Variants in PRKCE observed in about 807,000 individuals in gnomAD.
PRKCE encodes the protein protein kinase C epsilon.
Under a neutral mutation model 85.4 loss-of-function variants are expected in PRKCE, and 16 were observed. The observed-to-expected ratio is 0.19, with a 90% CI of 0.13 to 0.28. The LOEUF (loss-of-function observed/expected upper bound fraction) is 0.28. Among genes scored for constraint, PRKCE ranks in the 10% least tolerant of loss-of-function variants. The pLI is 1.00. For synonymous variants in PRKCE, 388 were observed against 371.5 expected (o/e 1.04, Z -0.51); for missense variants, 573 against 975.2 (o/e 0.59, Z 5.49).
At chr2:45,848,175 C>G (rs1435062449) in intron 2 of PRKCE, among the ~76,000 whole-genome samples, 3 of 152,230 alleles carry the variant, frequency 2.0e-5, no homozygotes, top group African/African-American at 7.2e-5. Context: ...CTCTCAGATT[C>G]AAGCCCCACT....
At position 45,688,685 on chromosome 2, in the gene PRKCE, T is replaced by C. The variant is rs1677490978; in HGVS notation, c.348+36237T>C. ...AAGTATTTAGACTCTCCCTGACTTA[T>C]GTAACACTTCAGCTATTGCATTGGT... On this transcript the variant is annotated intron_variant, in intron 1 of 14. Coordinates refer to ENST00000306156, the MANE Select transcript of PRKCE (RefSeq NM_005400.3). 2.0e-5 allele frequency among the ~76,000 whole-genome samples: 3 copies of C among 152,236 alleles called. No homozygotes were observed. The South Asian group carries it at 6.2e-4, about 31-fold the overall frequency.
intron 2 of PRKCE, among the ~76,000 whole-genome samples, chr2:45,873,461 A>C (rs1410532144): frequency 6.6e-6 from 1 of 151,806 alleles, no homozygotes. Flanking sequence ...ACTGCAAAAA[A>C]AAAAAAAAAA....
Position 45,791,811 on chromosome 2 carries a change from A to G in PRKCE, c.349-51189A>G, listed in dbSNP as rs550575516. 4.6e-5 allele frequency among the ~76,000 whole-genome samples: 7 copies of G among 152,304 alleles called. No individual in the cohort carries two copies. The South Asian group carries it at 1.5e-3, about 32-fold the overall frequency. On this transcript the variant is annotated intron_variant, in intron 1 of 14. Transcript: ENST00000306156. ...CCATCTGTAACTCCAGTGGAGCATAATGGTCAGGAGCACGGGCTTTGACCC... is the reference window on the plus strand; with the variant it reads ...CCATCTGTAACTCCAGTGGAGCATAGTGGTCAGGAGCACGGGCTTTGACCC...
At chr2:45,658,041 A>G (rs993999511) in intron 1 of PRKCE, among the ~76,000 whole-genome samples, 2 of 152,170 alleles carry the variant, frequency 1.3e-5, no homozygotes, top group African/African-American at 4.8e-5. Flanking sequence ...GTAGGAAAAA[A>G]TTTTTTAAAA....
intron 1 of PRKCE, among the ~76,000 whole-genome samples, chr2:45,691,440 T>G (rs1677718865): frequency 6.6e-6 from 1 of 151,948 alleles, no homozygotes; most frequent in Non-Finnish European, 1.5e-5. Flanking sequence ...CCATCAAAGG[T>G]TTTTCTGGAA....
chr2:45,956,190 C>T (rs1030054403), intron 2 of PRKCE, among the ~76,000 whole-genome samples: 10 of 152,348 alleles, frequency 6.6e-5, no homozygotes, highest in African/African-American at 2.4e-4. Context: ...TTTATAGCTA[C>T]ACACCAATTT....
intron 1 of PRKCE, among the ~76,000 whole-genome samples, chr2:45,817,752 G>T (rs1025988540): frequency 3.9e-5 from 6 of 152,188 alleles, no homozygotes; most frequent in Non-Finnish European, 8.8e-5. Flanking sequence ...GGCTTTGCTA[G>T]GTTCAGTGGC....
At chr2:45,769,493 A>G (rs1025201822) in intron 1 of PRKCE, among the ~76,000 whole-genome samples, 1 of 152,142 alleles carries the variant, frequency 6.6e-6, no homozygotes, top group African/African-American at 2.4e-5. Flanking sequence ...ATCGCTGGCG[A>G]GTAGTTTGAG....
At chr2:45,803,904 A>C (rs1232895167) in intron 1 of PRKCE, among the ~76,000 whole-genome samples, 1 of 152,226 alleles carries the variant, frequency 6.6e-6, no homozygotes, top group Admixed American at 6.5e-5. Flanking sequence ...GATTCTGTAC[A>C]CAGGATGTTG....
chr2:45,668,444 T>A lies in PRKCE; in HGVS notation c.348+15996T>A, dbSNP rs906193111. Among the ~76,000 whole-genome samples, 12 of 152,192 alleles carry A rather than the reference T, an allele frequency of 7.9e-5. 1 individual carries two copies. ...TGAAGATATTGTCGAAGAATCCATT[T>A]GGTTTATAATTCTTTATGTCCGACA... On this transcript the variant is annotated intron_variant, in intron 1 of 14. Transcript: ENST00000306156.
intron 10 of PRKCE, among the ~76,000 whole-genome samples, chr2:46,043,332 A>G (rs1204997592): frequency 6.6e-6 from 1 of 152,230 alleles, no homozygotes; most frequent in Non-Finnish European, 1.5e-5. Flanking sequence ...TGGACTTCTT[A>G]CAGTCATGCT....
chr2:45,831,642 C>A (rs952705057), intron 1 of PRKCE, among the ~76,000 whole-genome samples: 3 of 152,284 alleles, frequency 2.0e-5, no homozygotes, highest in African/African-American at 7.2e-5. Flanking sequence ...CCTCTTCTAT[C>A]ATAGCAGCAA....
At chr2:45,676,186 A>G (rs1482103616) in intron 1 of PRKCE, 1 of 152,092 alleles carries the variant, frequency 6.6e-6, no homozygotes, top group Admixed American at 6.5e-5. Flanking sequence ...TATCAGTGGT[A>G]AGTTTCCCAG....
At chr2:46,169,498 A>T (rs983047393) in intron 14 of PRKCE, among the ~76,000 whole-genome samples, 2 of 152,162 alleles carry the variant, frequency 1.3e-5, no homozygotes, top group Non-Finnish European at 2.9e-5. Flanking sequence ...TTGGAGATCA[A>T]TGGAGTATTT....
intron 1 of PRKCE, chr2:45,770,863 A>G (rs1685268126): frequency 2.4e-5 from 1 of 41,564 alleles, no homozygotes; most frequent in South Asian, 9.5e-4. Context: ...AAAACAAACA[A>G]GGGCTTTTTT....
At chr2:45,881,787 C>T (rs948044581) in intron 2 of PRKCE, among the ~76,000 whole-genome samples, 2 of 152,170 alleles carry the variant, frequency 1.3e-5, no homozygotes, top group Admixed American at 1.3e-4. Context: ...CTTAATCTTA[C>T]TCTTTACTAT....
intron 2 of PRKCE, among the ~76,000 whole-genome samples, chr2:45,881,152 CA>C (rs770824515): frequency 2.5e-3 from 229 of 91,430 alleles, no homozygotes; most frequent in Middle Eastern, 0.017. Context: ...GACTCCGTCT[CA>C]AAAAAAAAAA....
At chr2:45,703,343 T>C (rs183447918) in intron 1 of PRKCE, among the ~76,000 whole-genome samples, 1 of 152,194 alleles carries the variant, frequency 6.6e-6, no homozygotes, top group African/African-American at 2.4e-5. Flanking sequence ...AAGATCAGAC[T>C]GGTCAACATA....
At chr2:46,010,538 C>G in intron 10 of PRKCE, 21 bp downstream of exon 10, 1 of 1,598,208 alleles carries the variant, frequency 6.3e-7, no homozygotes, top group Non-Finnish European at 8.5e-7. Flanking sequence ...AAGAAGCTGG[C>G]TGGCTGCCAT....
Sources: allele counts gnomAD v4.1 joint callset (sites outside exome capture counted in the v4.1 genomes callset), GRCh38; gene constraint gnomAD v4.1.1; transcripts MANE v1.5; gene names NCBI Gene and HGNC (gene_info 2026-07-23, HGNC 2026-07-21).